Variants in ADGRL2 observed in about 807,000 individuals in gnomAD.
The protein encoded by ADGRL2 is calcium-independent alpha-latrotoxin receptor 2.
A neutral mutation model predicts 157.4 loss-of-function variants in ADGRL2; 44 were observed. The observed-to-expected ratio is 0.28, with a 90% CI of 0.22 to 0.36. The LOEUF (loss-of-function observed/expected upper bound fraction) is 0.36. ADGRL2 is among the 10% of genes least tolerant of loss of function. The probability of loss-of-function intolerance (pLI) is 1.00; values close to 1 mark genes in which losing one functional copy is unlikely to be tolerated. For missense variants in ADGRL2, 1,510 were observed against 1,768.9 expected, an observed-to-expected ratio of 0.85 and a Z score of 2.63; for synonymous variants, 585 against 624.7, an observed-to-expected ratio of 0.94 and a Z score of 0.95.
At chr1:81,933,385 C>T (rs1447947690) in intron 3 of ADGRL2, among the ~76,000 whole-genome samples, 2 of 152,178 alleles carry the variant, frequency 1.3e-5, no homozygotes, top group East Asian at 3.9e-4. Flanking sequence ...ACAATGATAC[C>T]TTTATTGGTA....
chr1:81,400,477 A>T (rs2076733305), intron 1 of ADGRL2, among the ~76,000 whole-genome samples: 1 of 152,146 alleles, frequency 6.6e-6, no homozygotes, highest in Non-Finnish European at 1.5e-5. Flanking sequence ...GACTGGGAAC[A>T]GTACTGGGCC....
intron 2 of ADGRL2, among the ~76,000 whole-genome samples, chr1:81,464,926 C>A (rs1181131083): frequency 1.2e-5 from 1 of 81,232 alleles, no homozygotes; most frequent in Non-Finnish European, 2.8e-5. Context: ...CAAATAGCCA[C>A]CAGGGAGAAA....
intron 2 of ADGRL2, among the ~76,000 whole-genome samples, chr1:81,550,072 T>C (rs1251090150): frequency 6.6e-6 from 1 of 152,188 alleles, no homozygotes; most frequent in Non-Finnish European, 1.5e-5. Flanking sequence ...TTGAAACTCC[T>C]GCCATATTGA....
intron 1 of ADGRL2, among the ~76,000 whole-genome samples, chr1:81,384,005 G>A (rs1570791029): frequency 6.6e-6 from 1 of 151,154 alleles, no homozygotes; most frequent in East Asian, 1.9e-4. Context: ...GAAGAAATTT[G>A]GTACATATTT....
At chr1:81,730,873 T>C (rs1365180162) in intron 1 of ADGRL2, among the ~76,000 whole-genome samples, 1 of 152,218 alleles carries the variant, frequency 6.6e-6, no homozygotes, top group Non-Finnish European at 1.5e-5. Flanking sequence ...TTAACATTAT[T>C]GATCAACCTG....
At chr1:81,873,523 T>C (rs2093752231) in intron 2 of ADGRL2, among the ~76,000 whole-genome samples, 1 of 152,082 alleles carries the variant, frequency 6.6e-6, no homozygotes, top group Non-Finnish European at 1.5e-5. Flanking sequence ...GGGTAAGAAT[T>C]ACAGAAAATG....
chr1:81,731,431 G>A (rs1007725343), intron 1 of ADGRL2, among the ~76,000 whole-genome samples: 5 of 151,732 alleles, frequency 3.3e-5, no homozygotes, highest in African/African-American at 1.2e-4. Context: ...TTTCCTTCAA[G>A]AACTTTTCAG....
In ADGRL2 at chr1:81,543,696, G is replaced by C. The variant is rs559624181; in HGVS notation, c.-247-37180G>C. 2.6e-5 allele frequency among the ~76,000 whole-genome samples: 4 copies of C among 152,146 alleles called. No individual in the cohort carries two copies. The East Asian group carries it at 7.7e-4, about 29-fold the overall frequency. On this transcript the variant is annotated intron_variant, in intron 2 of 24. Coordinates refer to the ADGRL2 transcript ENST00000370721. ...CTGTCCCTTGACAGTCTATTTTCAA[G>C]AGGCAGTCAACAACACCCCTTAAAA...
chr1:81,351,841 C>A (rs190329756), intron 1 of ADGRL2, among the ~76,000 whole-genome samples: 2 of 152,192 alleles, frequency 1.3e-5, no homozygotes, highest in Non-Finnish European at 2.9e-5. Flanking sequence ...CAAGAGCTGA[C>A]AAGTGTCTAA....
intron 2 of ADGRL2, among the ~76,000 whole-genome samples, chr1:81,472,451 T>A (rs967712567): frequency 3.9e-5 from 6 of 152,028 alleles, no homozygotes; most frequent in Non-Finnish European, 5.9e-5. Flanking sequence ...TGGGCAACAG[T>A]GAAACCCTGT....
At chr1:81,532,065 C>G (rs904612680) in intron 2 of ADGRL2, among the ~76,000 whole-genome samples, 1 of 152,144 alleles carries the variant, frequency 6.6e-6, no homozygotes, top group African/African-American at 2.4e-5. Flanking sequence ...TTTACAAGCT[C>G]CATGGCTTTA....
At chr1:81,501,577 AGGCTGAGGCCCC>A (rs1295354192) in intron 2 of ADGRL2, among the ~76,000 whole-genome samples, 4 of 152,240 alleles carry the variant, frequency 2.6e-5, no homozygotes, top group Admixed American at 2.6e-4. Flanking sequence ...TAAAAATAGG[AGGCTGAGGCCCC>A]GGCTGTGGCC....
intron 3 of ADGRL2, among the ~76,000 whole-genome samples, chr1:81,597,567 C>T (rs2081259964): frequency 6.6e-6 from 1 of 152,096 alleles, no homozygotes. Context: ...GTAGAACAGG[C>T]ATTATTGTTT....
intron 1 of ADGRL2, among the ~76,000 whole-genome samples, chr1:81,320,224 T>C (rs576594557): frequency 5.9e-5 from 9 of 152,316 alleles, no homozygotes; most frequent in African/African-American, 2.2e-4. Flanking sequence ...ATCTTCAGGC[T>C]CCAGTTAGTT....
At chr1:81,935,263 T>C (rs1308860712) in intron 3 of ADGRL2, among the ~76,000 whole-genome samples, 3 of 151,952 alleles carry the variant, frequency 2.0e-5, no homozygotes, top group Non-Finnish European at 4.4e-5. Flanking sequence ...CACTATACCA[T>C]TTACATTATT....
At chr1:81,496,705 G>A (rs1274778433) in intron 2 of ADGRL2, among the ~76,000 whole-genome samples, 3 of 151,534 alleles carry the variant, frequency 2.0e-5, no homozygotes, top group African/African-American at 7.3e-5. Flanking sequence ...CCCATACAAG[G>A]AAAGAAATTT....
chr1:81,557,510 A>AAAGAAAG (rs1557459228), intron 2 of ADGRL2: 1 of 102,572 alleles, frequency 9.7e-6, no homozygotes, highest in African/African-American at 3.4e-5. Context: ...AGAAAGAAAG[A>AAAGAAAG]AAGAAAGAAA....
intron 3 of ADGRL2, among the ~76,000 whole-genome samples, chr1:81,686,438 A>G (rs1054350278): frequency 6.6e-6 from 1 of 152,194 alleles, no homozygotes; most frequent in Admixed American, 6.5e-5. Context: ...TGTTCATAGT[A>G]GCCTTGAATG....
intron 2 of ADGRL2, among the ~76,000 whole-genome samples, chr1:81,787,497 A>G (rs1451632986): frequency 6.6e-6 from 1 of 151,940 alleles, no homozygotes; most frequent in African/African-American, 2.4e-5. Flanking sequence ...TCTACCGAAA[A>G]TACAAAAATT....
Sources: allele counts gnomAD v4.1 joint callset (sites outside exome capture counted in the v4.1 genomes callset), GRCh38; gene constraint gnomAD v4.1.1; transcripts MANE v1.5; gene names NCBI Gene and HGNC (gene_info 2026-07-23, HGNC 2026-07-21).